SNTG1: variants seen among roughly 807,000 people sequenced by gnomAD.
SNTG1 encodes syntrophin gamma 1, also known as gamma-1-syntrophin.
In SNTG1, 39 loss-of-function variants were observed where a neutral mutation model predicts 74.7. That is an observed-to-expected ratio of 0.52 (90% CI 0.40 to 0.68). The LOEUF (loss-of-function observed/expected upper bound fraction) is 0.68, where lower values mean the gene tolerates loss of function less well. SNTG1 is among the 30% of genes least tolerant of loss of function. The probability of loss-of-function intolerance (pLI) is 0.00; values close to 1 mark genes in which losing one functional copy is unlikely to be tolerated. For synonymous variants in SNTG1, 254 were observed against 217.1 expected (o/e 1.17, Z -1.49); for missense variants, 685 against 609.5 (o/e 1.12, Z -1.30).
intron 1 of SNTG1, among the ~76,000 whole-genome samples, chr8:49,969,277 C>A (rs887319647): frequency 6.6e-6 from 1 of 150,912 alleles, no homozygotes; most frequent in African/African-American, 2.4e-5. Context: ...GGCATTAATG[C>A]GAGGAAACCT....
Position 50,032,505 on chromosome 8 carries a change from A to G in SNTG1, c.-103+120274A>G, listed in dbSNP as rs528051866. On this transcript the variant is annotated intron_variant, in intron 1 of 18. Transcript: ENST00000642720. ...CTGCTTTTTTTGTGGTTCTTTGGCTAGAAAGTGCAAATTTCTCTAGGGACC... is the reference window on the plus strand; with the variant it reads ...CTGCTTTTTTTGTGGTTCTTTGGCTGGAAAGTGCAAATTTCTCTAGGGACC... Among the ~76,000 whole-genome samples, 378 of 152,168 alleles carry G rather than the reference A, an allele frequency of 2.5e-3. 1 individual carries two copies. The highest frequency in any genetic ancestry group is 8.5e-3 in the African/African-American group (355 of 41,538).
chr8:50,073,254 C>G (rs762452904), intron 1 of SNTG1, among the ~76,000 whole-genome samples: 8 of 152,200 alleles, frequency 5.3e-5, no homozygotes, highest in Non-Finnish European at 1.0e-4. Flanking sequence ...TAACCATGTT[C>G]TATTCACCAG....
At chr8:50,394,458 T>A (rs934556558) in intron 3 of SNTG1, among the ~76,000 whole-genome samples, 193 bp downstream of exon 3, 49 of 152,334 alleles carry the variant, frequency 3.2e-4, no homozygotes, top group African/African-American at 1.2e-3. Context: ...AGCCTTGGAC[T>A]TTAACTCTTT....
chr8:50,370,664 G>A (rs985206844), intron 2 of SNTG1, among the ~76,000 whole-genome samples: 2 of 152,014 alleles, frequency 1.3e-5, no homozygotes, highest in African/African-American at 4.8e-5. Flanking sequence ...ACTAGGCAAG[G>A]TAATGCCATT....
Position 50,796,586 on chromosome 8 carries a change from C to A in SNTG1, c.*3757C>A, listed in dbSNP as rs1585818391. ...GTAAAATGTAAATTAATATCTGTGA[C>A]AAAAATTTGTCACTTCATTCTTTCA... On this transcript the variant is annotated 3_prime_UTR_variant, in exon 19 of 19. Coordinates refer to ENST00000642720, the MANE Select transcript of SNTG1 (RefSeq NM_018967.5). 6.6e-6 allele frequency: 1 copy of A among 151,734 alleles called. No individual in the cohort carries two copies. The highest frequency in any genetic ancestry group is 1.5e-5 in the Non-Finnish European group (1 of 67,898). The allele number at this position is 151,734 out of a possible 1,614,324, so 9.4% of individuals were successfully genotyped here.
At chr8:50,725,834 T>A (rs1238474440) in intron 17 of SNTG1, among the ~76,000 whole-genome samples, 2 of 152,224 alleles carry the variant, frequency 1.3e-5, no homozygotes, top group African/African-American at 4.8e-5. Context: ...TATTCTGGTT[T>A]GATATAAATT....
rs368419836 is a variant in SNTG1, at chr8:50,009,944, C to T, written c.-103+97713C>T. Among the ~76,000 whole-genome samples the T allele has an allele frequency of 2.3e-4, 35 of 152,240 alleles. No homozygotes were observed. The East Asian group carries it at 4.5e-3, about 19-fold the overall frequency. ...CCAGGAGGTGGAGGTTTTAGTAAGC[C>T]GAGATCGTGCCATTGCACTCTAGCT... On this transcript the variant is annotated intron_variant, in intron 1 of 18. Transcript: ENST00000642720.
chr8:49,975,334 T>C (rs1038213658), intron 1 of SNTG1, among the ~76,000 whole-genome samples: 1 of 152,164 alleles, frequency 6.6e-6, no homozygotes, highest in Non-Finnish European at 1.5e-5. Context: ...TCTTAGAATT[T>C]CATATTAAGA....
intron 17 of SNTG1, among the ~76,000 whole-genome samples, chr8:50,739,725 T>A (rs527480176): frequency 6.6e-6 from 1 of 151,892 alleles, no homozygotes; most frequent in South Asian, 2.1e-4. Flanking sequence ...TCCATTTGAT[T>A]TTAAACAGGG....
chr8:50,063,176 C>T (rs1399980148), intron 1 of SNTG1, among the ~76,000 whole-genome samples: 1 of 152,214 alleles, frequency 6.6e-6, no homozygotes, highest in Non-Finnish European at 1.5e-5. Context: ...GATACGTAAT[C>T]TCAGATATCC....
chr8:50,095,170 A>T (rs2131188368), intron 1 of SNTG1, among the ~76,000 whole-genome samples: 1 of 152,292 alleles, frequency 6.6e-6, no homozygotes, highest in Middle Eastern at 3.4e-3. Flanking sequence ...GGAAAGTGGG[A>T]GGACAGTGAG....
chr8:50,000,521 T>C (rs1814646938), intron 1 of SNTG1, among the ~76,000 whole-genome samples: 2 of 152,182 alleles, frequency 1.3e-5, no homozygotes, highest in Admixed American at 6.6e-5. Flanking sequence ...AAAGGGTGTT[T>C]AAAGACTTAC....
chr8:50,259,524 G>A (rs968087957), intron 2 of SNTG1, among the ~76,000 whole-genome samples: 273 of 8,782 alleles, frequency 0.031, 102 homozygotes, highest in South Asian at 0.085. Context: ...AAGAAAGAAA[G>A]AAAGAAAGAA....
rs543597408 is a variant in SNTG1, at chr8:50,206,683, G to A, written c.-28+34048G>A. On this transcript the variant is annotated intron_variant, in intron 2 of 18. Transcript: ENST00000642720. ...GATGCTTCCAGTTTTTGCCCATTCA[G>A]TATGATATTGGCTGTGGGTTTGTCA... 3.3e-5 allele frequency among the ~76,000 whole-genome samples: 5 copies of A among 152,268 alleles called. No homozygotes were observed. In the East Asian group the frequency reaches 9.7e-4, roughly 29 times the overall value.
chr8:50,763,405 A>G (rs897568926), intron 18 of SNTG1, among the ~76,000 whole-genome samples: 3 of 151,844 alleles, frequency 2.0e-5, no homozygotes, highest in African/African-American at 7.2e-5. Context: ...AACATACTCT[A>G]TATGATTTCA....
chr8:50,339,091 C>T (rs2091240193), intron 2 of SNTG1, among the ~76,000 whole-genome samples: 1 of 152,046 alleles, frequency 6.6e-6, no homozygotes, highest in Admixed American at 6.5e-5. Flanking sequence ...ATAGGAATTA[C>T]ATTGGACTTC....
intron 2 of SNTG1, among the ~76,000 whole-genome samples, chr8:50,221,604 T>C (rs2085072745): frequency 6.6e-6 from 1 of 151,386 alleles, no homozygotes; most frequent in Admixed American, 6.6e-5. Flanking sequence ...GAGTTAGTAA[T>C]ATAGGATGGA....
At chr8:50,292,381 T>C (rs902290954) in intron 2 of SNTG1, among the ~76,000 whole-genome samples, 10 of 151,898 alleles carry the variant, frequency 6.6e-5, no homozygotes, top group African/African-American at 2.2e-4. Context: ...TGTTAGAAAA[T>C]GGATGGTCAA....
chr8:49,924,268 G>A (rs1011681398), intron 1 of SNTG1, among the ~76,000 whole-genome samples: 2 of 152,082 alleles, frequency 1.3e-5, no homozygotes, highest in East Asian at 3.9e-4. Context: ...ATAAAGAAAG[G>A]TATATGTACT....
Sources: allele counts gnomAD v4.1 joint callset (sites outside exome capture counted in the v4.1 genomes callset), GRCh38; gene constraint gnomAD v4.1.1; transcripts MANE v1.5; gene names NCBI Gene and HGNC (gene_info 2026-07-23, HGNC 2026-07-21).